The following NFATC2 variants were observed in gnomAD, a reference collection of about 807,000 sequenced individuals.
NFATC2 encodes the protein nuclear factor of activated T-cells, cytoplasmic 2.
In NFATC2, 22 loss-of-function variants were observed where a neutral mutation model predicts 87.3. The ratio of observed to expected loss-of-function variants is 0.25; its 90% confidence interval spans 0.18 to 0.36. NFATC2 has a LOEUF of 0.36. Ranked by LOEUF, NFATC2 falls within the 10% of genes least tolerant of loss-of-function variation. The pLI is 1.00. For synonymous variants in NFATC2, 565 were observed against 542.2 expected (o/e 1.04, Z -0.58); for missense variants, 1,149 against 1,259.1 (o/e 0.91, Z 1.32).
At chr20:51,512,265 C>T (rs2146675079) in intron 3 of NFATC2, among the ~76,000 whole-genome samples, 1 of 152,320 alleles carries the variant, frequency 6.6e-6, no homozygotes, top group South Asian at 2.1e-4. Flanking sequence ...GCGGTGAATC[C>T]AATGGACAAG....
intron 6 of NFATC2, among the ~76,000 whole-genome samples, chr20:51,441,264 C>G (rs1488753918): frequency 6.6e-6 from 1 of 151,756 alleles, no homozygotes; most frequent in Non-Finnish European, 1.5e-5. Context: ...GCCTGGGTGA[C>G]AGAGCAAGAC....
intron 10 of NFATC2, among the ~76,000 whole-genome samples, chr20:51,397,724 T>C (rs1206279265): frequency 6.6e-6 from 1 of 152,082 alleles, no homozygotes; most frequent in Middle Eastern, 3.2e-3. Context: ...CATAGGGAAG[T>C]AGGGGTTCAT....
intron 9 of NFATC2, among the ~76,000 whole-genome samples, chr20:51,407,414 G>A (rs1389101712): frequency 2.0e-5 from 3 of 152,226 alleles, no homozygotes; most frequent in Non-Finnish European, 4.4e-5. Context: ...GCAATAAACG[G>A]CTGTTGGATG....
At position 51,472,115 on chromosome 20, in the gene NFATC2, C is replaced by T. The variant is rs529525067; in HGVS notation, c.1708+1865G>A. On this transcript the variant is annotated intron_variant, in intron 5 of 10. Coordinates refer to ENST00000371564, the MANE Select transcript of NFATC2 (RefSeq NM_012340.5). ...TAAAAAATACAAACAATTAGCCAGG[C>T]GTGGTAGTGGGTGCCTGTAATCCCA... Among the ~76,000 whole-genome samples, 10 of 152,206 alleles carry T rather than the reference C, an allele frequency of 6.6e-5. No homozygotes were observed. In the South Asian group the frequency reaches 1.9e-3, roughly 28 times the overall value.
intron 3 of NFATC2, among the ~76,000 whole-genome samples, chr20:51,502,027 C>G (rs945397329): frequency 1.3e-5 from 2 of 152,182 alleles, no homozygotes; most frequent in Non-Finnish European, 2.9e-5. Context: ...TTTGACGACT[C>G]TTTTTCTGGA....
At chr20:51,428,812 T>G (rs1982256095) in intron 9 of NFATC2, among the ~76,000 whole-genome samples, 1 of 152,160 alleles carries the variant, frequency 6.6e-6, no homozygotes, top group African/African-American at 2.4e-5. Context: ...CTTACAAAGT[T>G]TCCAAGGAAA....
At chr20:51,442,986 A>G (rs1448090850) in intron 6 of NFATC2, among the ~76,000 whole-genome samples, 1 of 152,124 alleles carries the variant, frequency 6.6e-6, no homozygotes, top group Admixed American at 6.5e-5. Context: ...GTGGGGACCC[A>G]GCCTCTCTAC....
At chr20:51,546,734 C>G (rs1024850487), upstream of NFATC2, among the ~76,000 whole-genome samples, 1 of 152,042 alleles carries the variant, frequency 6.6e-6, no homozygotes, top group Non-Finnish European at 1.5e-5. Flanking sequence ...AGGTATGTGC[C>G]GTGAAAGGCA....
At chr20:51,542,011 A>C (rs1405692780) in intron 1 of NFATC2, among the ~76,000 whole-genome samples, 1 of 151,996 alleles carries the variant, frequency 6.6e-6, no homozygotes, top group Non-Finnish European at 1.5e-5. Context: ...CTCCAAAGGC[A>C]CAGAAATCAT....
At chr20:51,538,211 C>T (rs1212968293) in intron 1 of NFATC2, among the ~76,000 whole-genome samples, 2 of 152,188 alleles carry the variant, frequency 1.3e-5, no homozygotes, top group African/African-American at 4.8e-5. Context: ...ATGCCACAAC[C>T]ACCTTAAGAA....
At chr20:51,471,015 C>T (rs1437914499) in intron 5 of NFATC2, among the ~76,000 whole-genome samples, 1 of 152,164 alleles carries the variant, frequency 6.6e-6, no homozygotes, top group African/African-American at 2.4e-5. Context: ...AATCACCTTA[C>T]CAAGAAGTCT....
intron 6 of NFATC2, among the ~76,000 whole-genome samples, chr20:51,449,386 G>T (rs1985492948): frequency 6.6e-6 from 1 of 152,094 alleles, no homozygotes; most frequent in Admixed American, 6.5e-5. Flanking sequence ...GACATCCCCC[G>T]CAGAGAAGCC....
chr20:51,432,202 C>T lies in NFATC2; in HGVS notation c.2587G>A (p.Val863Ile). The T allele has an allele frequency of 6.2e-7, 1 of 1,612,990 alleles. No individual in the cohort carries two copies. The highest frequency in any genetic ancestry group is 8.5e-7 in the Non-Finnish European group (1 of 1,179,316). ...QRLSPGSYPT[V>I]IQQQNATSQR... ...CTCGTGGCATTCTGCTGCTGAATGA[C>T]TGTGGGGTAGGAACCCGGGCTCAGC... Residue 863 changes from valine (V) to isoleucine (I), a missense_variant, in exon 9 of 11, where the codon GTC (valine) becomes ATC (isoleucine). By Grantham distance (29) the Val-to-Ile change is conservative. Around this residue, in one of 3 missense-constraint regions of NFATC2, gnomAD observed 581 missense variants for 649.7 expected, o/e 0.89. Transcript: ENST00000371564. This position sits in a 1 kb window ranked among gnomAD's most constrained non-coding sequence, Gnocchi z 4.6.
chr20:51,484,934 G>A (rs760341637), intron 3 of NFATC2, among the ~76,000 whole-genome samples: 1 of 152,140 alleles, frequency 6.6e-6, no homozygotes, highest in Non-Finnish European at 1.5e-5. Flanking sequence ...ATTACACAGG[G>A]AACCATAAAA....
chr20:51,429,169 G>C (rs956080638), intron 9 of NFATC2, among the ~76,000 whole-genome samples: 1 of 152,210 alleles, frequency 6.6e-6, no homozygotes, highest in Non-Finnish European at 1.5e-5. Flanking sequence ...GCTAGGAGAC[G>C]GGCTAGGAGA....
chr20:51,412,902 G>A (rs1979456575), intron 9 of NFATC2, among the ~76,000 whole-genome samples: 1 of 151,772 alleles, frequency 6.6e-6, no homozygotes, highest in Non-Finnish European at 1.5e-5. Context: ...GAACAACAAG[G>A]AGCACAGGAG....
intron 9 of NFATC2, among the ~76,000 whole-genome samples, chr20:51,399,582 C>T (rs1448488643): frequency 6.6e-6 from 1 of 152,244 alleles, no homozygotes; most frequent in Admixed American, 6.5e-5. Context: ...CCTTTCAGCG[C>T]TTATGCAGTT....
chr20:51,524,539 T>C lies in NFATC2; in HGVS notation c.131-429A>G, dbSNP rs908086744. Among the ~76,000 whole-genome samples, 7 of 152,126 alleles carry C rather than the reference T, an allele frequency of 4.6e-5. No individual in the cohort carries two copies. Among genetic ancestry groups the C allele is most frequent in the African/African-American group, 1.7e-4 (7 of 41,424 alleles). On this transcript the variant is annotated intron_variant, in intron 1 of 10. Coordinates refer to ENST00000371564, the MANE Select transcript of NFATC2 (RefSeq NM_012340.5). The surrounding 1 kb of genome is among the most constrained non-coding windows in gnomAD (Gnocchi z 4.0). ...TGCTTCAACGCTGGTCACGACCCAT[T>C]AGACGGATCCCCTAACCCGTCTGCG...
chr20:51,388,754 G>A lies in NFATC2; in HGVS notation c.*2742C>T, dbSNP rs1986029328. The A allele has an allele frequency of 2.6e-5, 4 of 152,186 alleles. No homozygotes were observed. Among genetic ancestry groups the A allele is most frequent in the Admixed American group, 2.6e-4 (4 of 15,282 alleles). The allele number at this position is 152,186 out of a possible 1,614,324, so 9.4% of individuals were successfully genotyped here. A position where few individuals can be genotyped will look rare whatever the true frequency, so the allele number is the denominator to read the frequency against. ...GAAATATACTACATTCAGCAACACG[G>A]TAGACCTGTCAGAGTGCTACATATT... On this transcript the variant is annotated 3_prime_UTR_variant, in exon 11 of 11. Transcript: ENST00000371564.
Sources: allele counts gnomAD v4.1 joint callset (sites outside exome capture counted in the v4.1 genomes callset), GRCh38; gene constraint gnomAD v4.1.1; regional missense constraint gnomAD v4.1.1; non-coding constraint Gnocchi (gnomAD v3.1); transcripts MANE v1.5; gene names NCBI Gene and HGNC (gene_info 2026-07-23, HGNC 2026-07-21).